ST3GAL1: variants seen among roughly 807,000 people sequenced by gnomAD.
The protein encoded by ST3GAL1 is ST3 beta-galactoside alpha-2,3-sialyltransferase 1.
Under a neutral mutation model 34.1 loss-of-function variants are expected in ST3GAL1, and 16 were observed. The observed-to-expected ratio is 0.47, with a 90% confidence interval of 0.32 to 0.71. The LOEUF is 0.71. Among genes scored for constraint, ST3GAL1 ranks in the 30% least tolerant of loss-of-function variants. The pLI, the probability that ST3GAL1 is intolerant of heterozygous loss-of-function variation, is 0.04. For synonymous variants in ST3GAL1, 191 were observed against 184.7 expected (o/e 1.03, Z -0.28); for missense variants, 353 against 447.4 (o/e 0.79, Z 1.90).
At chr8:133,522,234 GA>G (rs1817833230) in intron 2 of ST3GAL1, among the ~76,000 whole-genome samples, 1 of 152,128 alleles carries the variant, frequency 6.6e-6, no homozygotes, top group African/African-American at 2.4e-5. Context: ...TAGCAGGAAG[GA>G]AAGTTCAGAG....
At chr8:133,560,572 T>A (rs1370459676) in intron 1 of ST3GAL1, among the ~76,000 whole-genome samples, 1 of 152,154 alleles carries the variant, frequency 6.6e-6, no homozygotes, top group East Asian at 1.9e-4. Flanking sequence ...AGAGCATGGG[T>A]TCATGGTCAC....
At chr8:133,562,794 T>TTTCCTTCCTTCCTTCCTTCCTTCC (rs772597674) in intron 1 of ST3GAL1, among the ~76,000 whole-genome samples, 15 of 108,600 alleles carry the variant, frequency 1.4e-4, no homozygotes, top group African/African-American at 5.5e-4. Flanking sequence ...TCTTTCTTTC[T>TTTCCTTCCTTCCTTCCTTCCTTCC]TTCCTTCCTT....
intron 2 of ST3GAL1, among the ~76,000 whole-genome samples, chr8:133,530,664 T>A (rs1818125826): frequency 6.6e-6 from 1 of 152,190 alleles, no homozygotes; most frequent in Non-Finnish European, 1.5e-5. Flanking sequence ...CTTGAACCTA[T>A]GAGAGTTTTC....
At chr8:133,524,341 C>T (rs1245092973) in intron 2 of ST3GAL1, among the ~76,000 whole-genome samples, 5 of 152,172 alleles carry the variant, frequency 3.3e-5, no homozygotes, top group African/African-American at 1.2e-4. Context: ...GGCATTGTCC[C>T]CTAGAGACAG....
rs763836994 is a variant in ST3GAL1, at chr8:133,475,902, C to T, written c.123G>A (p.Gln41=). The T allele has an allele frequency of 1.2e-6, 2 of 1,614,106 alleles. No homozygotes were observed. The highest frequency in any genetic ancestry group is 1.1e-5 in the South Asian group (1 of 91,072). ...GGTTCTCGGAGAGCTCCAGGACCAT[C>T]TGCTTGGGGAACCAGGTGGTGGCCA... is the stretch of plus-strand genomic sequence containing the variant. The part of the protein sequence containing the change: ...TMVATTWFPK[Q]MVLELSENLK... The change falls in exon 5 of 10, where the codon CAG becomes CAA. Residue 41 remains glutamine (Q), a synonymous_variant. Coordinates refer to ENST00000522652, the MANE Select transcript of ST3GAL1 (RefSeq NM_173344.3).
At chr8:133,488,665 G>A (rs11776026) in intron 3 of ST3GAL1, among the ~76,000 whole-genome samples, 48,967 of 152,138 alleles carry the variant, frequency 0.32, 8,147 homozygotes, top group Admixed American at 0.36. Context: ...AGCAGAGGGC[G>A]TAAGAGGGAC....
At chr8:133,563,657 G>T (rs185704523) in intron 1 of ST3GAL1, among the ~76,000 whole-genome samples, 6 of 152,322 alleles carry the variant, frequency 3.9e-5, no homozygotes, top group Admixed American at 2.6e-4. Context: ...AGCCAAACTA[G>T]CTCCAGTAAG....
intron 3 of ST3GAL1, among the ~76,000 whole-genome samples, chr8:133,497,919 C>T (rs114435059): frequency 0.011 from 1,673 of 152,280 alleles, 33 homozygotes; most frequent in African/African-American, 0.038. Context: ...ACTCAAAGAG[C>T]GGGATGTTAC....
Position 133,458,067 on chromosome 8 carries a change from G to A in ST3GAL1, c.*1697C>T, listed in dbSNP as rs1815366318. 6.6e-6 allele frequency: 1 copy of A among 152,282 alleles called. No homozygotes were observed. The highest frequency in any genetic ancestry group is 2.4e-5 in the African/African-American group (1 of 41,450). 9.4% of individuals were successfully genotyped at this position (152,282 alleles called of 1,614,324 possible). ...ACGGAGTTTTGGAGACTCCTAGCCT[G>A]AGAATAAATCCAAGTCCACAATGAG... On this transcript the variant is annotated 3_prime_UTR_variant, in exon 10 of 10. Transcript: ENST00000522652.
chr8:133,549,197 T>C (rs910514318), intron 1 of ST3GAL1, among the ~76,000 whole-genome samples: 2 of 151,942 alleles, frequency 1.3e-5, no homozygotes, highest in Admixed American at 6.6e-5. Context: ...GGTTGGGAGA[T>C]TGAGACCAGC....
chr8:133,567,845 C>T (rs1819448237), intron 1 of ST3GAL1, among the ~76,000 whole-genome samples: 1 of 151,776 alleles, frequency 6.6e-6, no homozygotes, highest in South Asian at 2.1e-4. Flanking sequence ...AAACATAAAT[C>T]AGGTGGTGGC....
At chr8:133,505,563 T>C (rs570327737) in intron 2 of ST3GAL1, among the ~76,000 whole-genome samples, 1 of 152,312 alleles carries the variant, frequency 6.6e-6, no homozygotes, top group South Asian at 2.1e-4. Flanking sequence ...CAGTTCTTTA[T>C]ATCTACTAGC....
chr8:133,522,783 C>T (rs1051509762), intron 2 of ST3GAL1, among the ~76,000 whole-genome samples: 5 of 152,208 alleles, frequency 3.3e-5, no homozygotes, highest in African/African-American at 1.2e-4. Context: ...AATGGACACA[C>T]TAATTACTGT....
chr8:133,502,265 C>G (rs1027945427), intron 2 of ST3GAL1, among the ~76,000 whole-genome samples: 1 of 152,066 alleles, frequency 6.6e-6, no homozygotes, highest in African/African-American at 2.4e-5. Flanking sequence ...AGAATTGGCC[C>G]TTGCTATGGA....
At chr8:133,476,935 T>C (rs1300014975) in intron 3 of ST3GAL1, among the ~76,000 whole-genome samples, 1 of 152,222 alleles carries the variant, frequency 6.6e-6, no homozygotes, top group Non-Finnish European at 1.5e-5. Flanking sequence ...GTTAAATGCA[T>C]GTTATTTGCC....
chr8:133,472,963 A>G (rs1245951663), intron 5 of ST3GAL1, among the ~76,000 whole-genome samples: 2 of 152,188 alleles, frequency 1.3e-5, no homozygotes, highest in African/African-American at 4.8e-5. Context: ...GAACCTGGTG[A>G]AGTAACATTT....
intron 2 of ST3GAL1, among the ~76,000 whole-genome samples, chr8:133,540,880 G>GAGACATATATATAA (rs1818468772): frequency 2.2e-5 from 1 of 45,054 alleles, no homozygotes; most frequent in Non-Finnish European, 3.9e-5. Context: ...CATATATATA[G>GAGACATATATATAA]AGACATATAT....
chr8:133,469,905 G>T lies in ST3GAL1; in HGVS notation c.307-3815C>A, dbSNP rs1400200870. On this transcript the variant is annotated intron_variant, in intron 5 of 9. Transcript: ENST00000522652. This position sits in a 1 kb window ranked among gnomAD's most constrained non-coding sequence, Gnocchi z 4.3. ...ATTCCAATCTTTCATTGGCAAAAGG[G>T]GAAATGGAGGCCCAGACCCTGGAAA... Among the ~76,000 whole-genome samples the T allele has an allele frequency of 1.3e-5, 2 of 152,166 alleles. No homozygotes were observed. Among genetic ancestry groups the T allele is most frequent in the Non-Finnish European group, 2.9e-5 (2 of 68,040 alleles).
chr8:133,475,616 C>G, intron 5 of ST3GAL1, 103 bp downstream of exon 5: 1 of 1,348,310 alleles, frequency 7.4e-7, no homozygotes, highest in Non-Finnish European at 9.8e-7. Flanking sequence ...ACTTTCAGCC[C>G]AGGCCTCCCA....
Sources: gnomAD v4.1 joint callset for allele counts (sites outside exome capture counted in the v4.1 genomes callset) on GRCh38, gnomAD v4.1.1 for gene constraint, Gnocchi (gnomAD v3.1) non-coding constraint, MANE v1.5 for transcripts, NCBI Gene and HGNC (gene_info 2026-07-23, HGNC 2026-07-21) for gene names.